CCDC3: variants seen among roughly 807,000 people sequenced by gnomAD.
CCDC3 encodes the protein coiled-coil domain-containing protein 3.
CCDC3 carries 24 observed loss-of-function variants against 21.4 expected under a neutral mutation model. The observed-to-expected ratio is 1.12, with a 90% CI of 0.81 to 1.58. The LOEUF is 1.58. Among genes scored for constraint, CCDC3 ranks in the 40% most tolerant of loss-of-function variants. The pLI is 0.00. For synonymous variants in CCDC3, 186 were observed against 166.0 expected, an observed-to-expected ratio of 1.12 and a Z score of -0.93; for missense variants, 425 against 360.9, an observed-to-expected ratio of 1.18 and a Z score of -1.44.
intron 3 of CCDC3, among the ~76,000 whole-genome samples, chr10:13,075,669 T>C (rs1038540222): frequency 6.6e-6 from 1 of 152,172 alleles, no homozygotes; most frequent in Non-Finnish European, 1.5e-5. Flanking sequence ...GGCCTAGAAT[T>C]GGATGAGCCT....
At chr10:13,054,960 C>A (rs2131428054) in intron 4 of CCDC3, among the ~76,000 whole-genome samples, 1 of 152,314 alleles carries the variant, frequency 6.6e-6, no homozygotes, top group South Asian at 2.1e-4. Context: ...AGCCACTGCA[C>A]CCAGCCAAGG....
intron 2 of CCDC3, among the ~76,000 whole-genome samples, chr10:12,935,334 T>C (rs939978462): frequency 6.6e-6 from 1 of 152,044 alleles, no homozygotes; most frequent in African/African-American, 2.4e-5. Context: ...TTCTCCTGTC[T>C]CAGCCTCCCA....
At chr10:12,949,499 A>C (rs1406984812) in intron 2 of CCDC3, among the ~76,000 whole-genome samples, 1 of 152,178 alleles carries the variant, frequency 6.6e-6, no homozygotes, top group African/African-American at 2.4e-5. Flanking sequence ...GACACTGTGG[A>C]GTTCCATTCC....
chr10:12,978,537 T>C (rs958458143), intron 2 of CCDC3, among the ~76,000 whole-genome samples: 1 of 141,698 alleles, frequency 7.1e-6, no homozygotes, highest in African/African-American at 2.8e-5. Flanking sequence ...CTGCGGGTCC[T>C]GGAGAATGGA....
chr10:12,989,668 C>T (rs573039423), intron 2 of CCDC3, among the ~76,000 whole-genome samples: 1 of 152,254 alleles, frequency 6.6e-6, no homozygotes, highest in East Asian at 1.9e-4. Flanking sequence ...GTGATCAGCC[C>T]ACCTCAGTCT....
Position 12,994,421 on chromosome 10 carries a change from A to AAC in CCDC3, c.549+3916_549+3917insGT, listed in dbSNP as rs1554759684. ...TCAAAAACAAAACAAAACAAAAAAA[A>AAC]AAAACACCCAGCACCCAGCACCCAG... On this transcript the variant is annotated intron_variant, in intron 2 of 2. Coordinates refer to ENST00000378825, the MANE Select transcript of CCDC3 (RefSeq NM_031455.4). Among the ~76,000 whole-genome samples, 258 of 148,352 alleles carry AAC rather than the reference A, an allele frequency of 1.7e-3. 5 individuals carry two copies. The highest frequency in any genetic ancestry group is 6.4e-3 in the African/African-American group (243 of 38,006).
chr10:13,093,063 A>G (rs1183260516), intron 3 of CCDC3, among the ~76,000 whole-genome samples: 3 of 142,770 alleles, frequency 2.1e-5, no homozygotes, highest in African/African-American at 7.9e-5. Context: ...CAAAGGAGTT[A>G]CTGACTTTTC....
At chr10:13,066,689 C>T (rs1836823038) in intron 4 of CCDC3, among the ~76,000 whole-genome samples, 1 of 151,894 alleles carries the variant, frequency 6.6e-6, no homozygotes. Flanking sequence ...TGCTTTTGTG[C>T]AGATGAGGGA....
intron 2 of CCDC3, among the ~76,000 whole-genome samples, chr10:12,954,311 A>C (rs1317603420): frequency 4.6e-5 from 7 of 152,244 alleles, no homozygotes; most frequent in Admixed American, 4.6e-4. Context: ...GAATTGAAAC[A>C]AAGTGTTCAT....
At chr10:13,066,749 G>A (rs559476005) in intron 4 of CCDC3, among the ~76,000 whole-genome samples, 1 of 152,180 alleles carries the variant, frequency 6.6e-6, no homozygotes, top group African/African-American at 2.4e-5. Context: ...CTGGGGGAAC[G>A]GGGTGGAGCC....
intron 2 of CCDC3, chr10:13,098,710 A>ATTTTTTTTTTTTTTTTTTTTTTTTTTT (rs575500494): frequency 1.5e-5 from 1 of 64,842 alleles, no homozygotes; most frequent in Non-Finnish European, 2.7e-5. Flanking sequence ...TCCTGCACTG[A>ATTTTTTTTTTTTTTTTTTTTTTTTTTT]TTTTTTTTTT....
rs115752334 is a variant in CCDC3, at chr10:12,948,570, G to T, written c.549+49768C>A. ...GGACTTTTCCTAGAGTTGAAAAAGT[G>T]TATCTCTTTCTTCAACTCTAATGTG... On this transcript the variant is annotated intron_variant, in intron 2 of 2. Transcript: ENST00000378825. 4.9e-3 allele frequency among the ~76,000 whole-genome samples: 738 copies of T among 152,022 alleles called. 7 individuals carry two copies. Among genetic ancestry groups the T allele is most frequent in the South Asian group, 0.016 (77 of 4,800 alleles).
chr10:12,944,678 CAG>C (rs1834888544), intron 2 of CCDC3, among the ~76,000 whole-genome samples: 1 of 152,194 alleles, frequency 6.6e-6, no homozygotes, highest in Non-Finnish European at 1.5e-5. Flanking sequence ...AAACCTGTCT[CAG>C]ACACTTTCCA....
intron 2 of CCDC3, among the ~76,000 whole-genome samples, chr10:12,959,603 G>T (rs1202206525): frequency 1.3e-5 from 2 of 152,138 alleles, no homozygotes; most frequent in African/African-American, 2.4e-5. Flanking sequence ...TAAGGAGCAG[G>T]GTGGGAAACC....
At chr10:13,054,579 C>G (rs1160431290) in intron 4 of CCDC3, among the ~76,000 whole-genome samples, 1 of 152,104 alleles carries the variant, frequency 6.6e-6, no homozygotes. Context: ...AAAGAAAGTT[C>G]AGGACCTTTC....
chr10:12,940,365 A>G (rs905114084), intron 2 of CCDC3, among the ~76,000 whole-genome samples: 1 of 151,948 alleles, frequency 6.6e-6, no homozygotes, highest in African/African-American at 2.4e-5. Context: ...ACAAGAGAAT[A>G]CAATGAAAAG....
intron 5 of CCDC3, among the ~76,000 whole-genome samples, chr10:13,033,905 T>C (rs892403139): frequency 6.6e-6 from 1 of 152,200 alleles, no homozygotes; most frequent in African/African-American, 2.4e-5. Flanking sequence ...GACTGTAAAC[T>C]AGTTCAACCA....
chr10:13,069,438 C>T (rs1321333327), intron 4 of CCDC3, among the ~76,000 whole-genome samples: 2 of 151,966 alleles, frequency 1.3e-5, no homozygotes, highest in African/African-American at 2.4e-5. Context: ...AGGTTTTTTG[C>T]TTTTTTAAAA....
chr10:13,086,029 G>A (rs996058478), intron 3 of CCDC3, among the ~76,000 whole-genome samples: 2 of 151,822 alleles, frequency 1.3e-5, no homozygotes, highest in Non-Finnish European at 2.9e-5. Flanking sequence ...AAGTTTGGAT[G>A]AAAAGATAAT....
Sources: allele counts gnomAD v4.1 joint callset (sites outside exome capture counted in the v4.1 genomes callset), GRCh38; gene constraint gnomAD v4.1.1; transcripts MANE v1.5; gene names NCBI Gene and HGNC (gene_info 2026-07-23, HGNC 2026-07-21).